The following ARHGAP12 variants were observed in gnomAD, a reference collection of about 807,000 sequenced individuals.
ARHGAP12 encodes Rho GTPase activating protein 12.
A neutral mutation model predicts 108.6 loss-of-function variants in ARHGAP12; 64 were observed. The ratio of observed to expected loss-of-function variants is 0.59; its 90% CI spans 0.48 to 0.73. ARHGAP12 has a LOEUF of 0.73. Ranked by LOEUF, ARHGAP12 falls within the 30% of genes least tolerant of loss-of-function variation. The pLI is 0.00. For missense variants in ARHGAP12, 940 were observed against 1,005.9 expected, an observed-to-expected ratio of 0.93 and a Z score of 0.89; for synonymous variants, 312 against 337.2, an observed-to-expected ratio of 0.93 and a Z score of 0.82.
intron 3 of ARHGAP12, among the ~76,000 whole-genome samples, chr10:31,864,023 A>G (rs917482387): frequency 4.6e-5 from 7 of 152,186 alleles, no homozygotes; most frequent in South Asian, 2.1e-4. Flanking sequence ...AATTAAATAG[A>G]AGAACACTGT....
chr10:31,916,269 C>A (rs912268735), intron 1 of ARHGAP12, among the ~76,000 whole-genome samples: 1 of 152,144 alleles, frequency 6.6e-6, no homozygotes, highest in East Asian at 1.9e-4. Flanking sequence ...GTCTCAAAAA[C>A]GCCCATACAA....
intron 3 of ARHGAP12, among the ~76,000 whole-genome samples, chr10:31,896,082 C>T (rs935828409): frequency 2.6e-5 from 4 of 151,798 alleles, no homozygotes; most frequent in Non-Finnish European, 5.9e-5. Flanking sequence ...CACACCGGGG[C>T]CTGTTGTGGG....
At position 31,913,393 on chromosome 10, in the gene ARHGAP12, T is replaced by C. The variant is rs533113433; in HGVS notation, c.-110-2830A>G. On this transcript the variant is annotated intron_variant, in intron 1 of 19. Coordinates refer to ENST00000344936, the MANE Select transcript of ARHGAP12 (RefSeq NM_018287.7). Reference sequence around the variant, plus strand: ...CACCCCTCCTAAAGGGAAAACAAAATAGAAGTTCAAGGATCCCAATACACC... The same window carrying C: ...CACCCCTCCTAAAGGGAAAACAAAACAGAAGTTCAAGGATCCCAATACACC... 14 of 166,508 alleles carry C rather than the reference T, an allele frequency of 8.4e-5. No homozygotes were observed. In the South Asian group the frequency reaches 2.3e-3, roughly 27 times the overall value. The allele number at this position is 166,508 out of a possible 1,614,324, so 10.3% of individuals were successfully genotyped here.
intron 3 of ARHGAP12, among the ~76,000 whole-genome samples, chr10:31,868,713 A>C (rs1837425569): frequency 6.6e-6 from 1 of 151,908 alleles, no homozygotes; most frequent in Admixed American, 6.6e-5. Flanking sequence ...AGGCGGGAAG[A>C]TCACTTGAGC....
At chr10:31,851,979 T>A (rs899455495) in intron 6 of ARHGAP12, among the ~76,000 whole-genome samples, 1 of 152,182 alleles carries the variant, frequency 6.6e-6, no homozygotes, top group African/African-American at 2.4e-5. Context: ...TATGGCCACT[T>A]TGAAACCTAC....
intron 3 of ARHGAP12, among the ~76,000 whole-genome samples, chr10:31,864,109 C>T (rs890878009): frequency 5.3e-5 from 8 of 151,844 alleles, no homozygotes; most frequent in African/African-American, 1.9e-4. Context: ...TGCTAAGATA[C>T]AAAAAATGAA....
intron 5 of ARHGAP12, among the ~76,000 whole-genome samples, chr10:31,853,828 G>C (rs764975976): frequency 1.3e-5 from 2 of 152,106 alleles, no homozygotes; most frequent in Non-Finnish European, 2.9e-5. Context: ...CATTCAACAG[G>C]TGTACTCTTA....
Position 31,838,466 on chromosome 10 carries a change from G to C in ARHGAP12, c.1386+839C>G, listed in dbSNP as rs1236436362. On this transcript the variant is annotated intron_variant, in intron 9 of 19. Transcript: ENST00000344936. ...GGAGGCCAAGGCAGGCATATCACTT[G>C]AGGCCACAAGTTCAAGACCAGCCTG... is the stretch of plus-strand genomic sequence containing the variant. Among the ~76,000 whole-genome samples the C allele has an allele frequency of 2.0e-5, 3 of 152,094 alleles. No homozygotes were observed. In the East Asian group the frequency reaches 5.8e-4, roughly 29 times the overall value.
intron 2 of ARHGAP12, among the ~76,000 whole-genome samples, chr10:31,910,095 G>A (rs1839285760): frequency 6.6e-6 from 1 of 152,022 alleles, no homozygotes; most frequent in African/African-American, 2.4e-5. Context: ...AGGGAGCACG[G>A]CCCTGCCAAA....
intron 3 of ARHGAP12, among the ~76,000 whole-genome samples, chr10:31,894,353 C>T (rs576023293): frequency 7.9e-4 from 120 of 151,898 alleles, no homozygotes; most frequent in Admixed American, 1.8e-3. Flanking sequence ...AAAACCCCAT[C>T]GTCTCAGCCC....
intron 1 of ARHGAP12, among the ~76,000 whole-genome samples, chr10:31,920,907 C>A (rs1278271569): frequency 1.3e-5 from 2 of 152,164 alleles, no homozygotes; most frequent in Non-Finnish European, 2.9e-5. Context: ...ATTAGAAACT[C>A]TCAAAAAGTA....
intron 3 of ARHGAP12, among the ~76,000 whole-genome samples, chr10:31,873,077 TG>T (rs1284952306): frequency 6.6e-6 from 1 of 152,140 alleles, no homozygotes; most frequent in Non-Finnish European, 1.5e-5. Flanking sequence ...AAATATAACA[TG>T]AGCCAGGTAT....
chr10:31,893,932 G>A (rs900457360), intron 3 of ARHGAP12, among the ~76,000 whole-genome samples: 2 of 152,224 alleles, frequency 1.3e-5, no homozygotes, highest in African/African-American at 4.8e-5. Context: ...GGGATGCAAG[G>A]TTGGTTCAAC....
intron 7 of ARHGAP12, 32 bp from the exon 8 acceptor site, chr10:31,839,743 C>G (rs757537189): frequency 6.6e-7 from 1 of 1,523,496 alleles, no homozygotes. Context: ...AAAAGTTACT[C>G]TATTTTATAT....
chr10:31,819,881 C>G (rs751948055), intron 12 of ARHGAP12, among the ~76,000 whole-genome samples: 3 of 151,328 alleles, frequency 2.0e-5, no homozygotes, highest in Non-Finnish European at 4.4e-5. Flanking sequence ...GAGGTGGTCT[C>G]TTATGCAGCA....
In ARHGAP12 at chr10:31,908,287, T is replaced by G; in HGVS notation, c.569A>C (p.Lys190Thr). The stretch of plus-strand genomic sequence containing the variant: ...AGATTGTTCCTGGGAGAAGCTAGTT[T>G]TCTCTACATCCAAGAACTCTGGACC... ...FPGPEFLDVE[K>T]TSFSQEQSCD... is the part of the protein sequence containing the mutation. Residue 190 changes from lysine (K) to threonine (T), a missense_variant, in exon 3 of 20, where the codon AAA (lysine) becomes ACA (threonine). Lys to Thr is a moderately conservative substitution (Grantham distance 78). Coordinates refer to ENST00000344936, the MANE Select transcript of ARHGAP12 (RefSeq NM_018287.7). The G allele has an allele frequency of 6.2e-7, 1 of 1,614,094 alleles. No homozygotes were observed. The highest frequency in any genetic ancestry group is 8.5e-7 in the Non-Finnish European group (1 of 1,180,018).
intron 7 of ARHGAP12, among the ~76,000 whole-genome samples, chr10:31,840,403 G>A (rs1233693906): frequency 6.6e-6 from 1 of 151,570 alleles, no homozygotes; most frequent in Non-Finnish European, 1.5e-5. Flanking sequence ...CACAGAATAT[G>A]ATTTCTATTA....
intron 2 of ARHGAP12, 137 bp from the exon 3 acceptor site, chr10:31,909,063 T>C: frequency 3.7e-6 from 2 of 542,240 alleles, no homozygotes; most frequent in Non-Finnish European, 6.4e-6. Context: ...AAAGCAAACA[T>C]GTGTCTACTA....
At chr10:31,928,392 G>A (rs1840153621) in intron 1 of ARHGAP12, among the ~76,000 whole-genome samples, 2 of 151,758 alleles carry the variant, frequency 1.3e-5, no homozygotes, top group African/African-American at 4.8e-5. Context: ...CCAGGGGGCA[G>A]AGAAGCCACA....
Sources: allele counts gnomAD v4.1 joint callset (sites outside exome capture counted in the v4.1 genomes callset), GRCh38; gene constraint gnomAD v4.1.1; transcripts MANE v1.5; gene names NCBI Gene and HGNC (gene_info 2026-07-23, HGNC 2026-07-21).